RPL26L1: variants seen among roughly 807,000 people sequenced by gnomAD.
RPL26L1 encodes the protein ribosomal protein uL24-like.
Under a neutral mutation model 15.2 loss-of-function variants are expected in RPL26L1, and 8 were observed. The observed-to-expected ratio is 0.53, with a 90% confidence interval of 0.31 to 0.95. The LOEUF is 0.95. Among genes scored for constraint, RPL26L1 ranks in the 40% least tolerant of loss-of-function variants. The pLI, the probability that RPL26L1 is intolerant of heterozygous loss-of-function variation, is 0.05. For synonymous variants in RPL26L1, 51 were observed against 65.9 expected (o/e 0.77, Z 1.09); for missense variants, 146 against 190.9 (o/e 0.76, Z 1.39).
rs1341871684 is a variant in RPL26L1 at position 172,964,033 on chromosome 5, A to C, written c.168+3992A>C. ...GTCAATATTTGTTGAATGAATGAAA[A>C]AAATTTTTTGAGTAGGTAAGATGTA... On this transcript the variant is annotated intron_variant, in intron 2 of 3. Coordinates refer to ENST00000265100, the MANE Select transcript of RPL26L1 (RefSeq NM_016093.4). Among the ~76,000 whole-genome samples the C allele has an allele frequency of 3.3e-5, 5 of 152,200 alleles. 1 individual carries two copies. Among genetic ancestry groups the C allele is most frequent in the African/African-American group, 1.2e-4 (5 of 41,460 alleles).
upstream of RPL26L1, chr5:172,957,501 T>G (rs1561752672): frequency 1.0e-5 from 3 of 288,106 alleles, no homozygotes; most frequent in East Asian, 9.4e-5. Flanking sequence ...CCTGGCTCCA[T>G]GTAGGTACCA....
At chr5:172,964,827 C>T (rs1458719258) in intron 2 of RPL26L1, among the ~76,000 whole-genome samples, 1 of 152,192 alleles carries the variant, frequency 6.6e-6, no homozygotes, top group Non-Finnish European at 1.5e-5. Context: ...ATCGTGGCTC[C>T]ACACCTACAC....
intron 1 of RPL26L1, 151 bp from the exon 2 acceptor site, chr5:172,959,714 G>T: frequency 9.0e-7 from 1 of 1,106,436 alleles, no homozygotes; most frequent in Non-Finnish European, 1.3e-6. Context: ...AGTCAGACTA[G>T]TCGCATCTCT....
Position 172,959,936 on chromosome 5 carries a change from C to T in RPL26L1, c.63C>T (p.Ala21=), listed in dbSNP as rs773054554. 66 of 1,614,052 alleles carry T rather than the reference C, an allele frequency of 4.1e-5. No individual in the cohort carries two copies. Among genetic ancestry groups the T allele is most frequent in the African/African-American group, 6.7e-5 (5 of 74,918 alleles). Residue 21 remains alanine (A), a synonymous_variant, in exon 2 of 4, where the codon GCC becomes GCT. Transcript: ENST00000265100. ...AAAACCGCAAACGTCACTTCAATGC[C>T]CCCTCACACGTGCGCAGGAAGATCA... The part of the protein sequence containing the change: ...RSKNRKRHFN[A]PSHVRRKIMS...
upstream of RPL26L1, chr5:172,958,760 C>A (rs1445999580): frequency 3.6e-5 from 8 of 220,420 alleles, no homozygotes; most frequent in East Asian, 7.9e-4. Context: ...GGGAGCGACC[C>A]GGCGGGGCCA....
Position 172,959,923 on chromosome 5 carries a change from G to A in RPL26L1, c.50G>A (p.Arg17His), listed in dbSNP as rs942169009. The change falls in exon 2 of 4, where the codon CGT becomes CAT. Residue 17 changes from arginine (R) to histidine (H), a missense_variant. By Grantham distance (29) the Arg-to-His change is conservative. Coordinates refer to ENST00000265100, the MANE Select transcript of RPL26L1 (RefSeq NM_016093.4). ...TCGGACCGCAGTAAAAACCGCAAAC[G>A]TCACTTCAATGCCCCCTCACACGTG... ...VTSDRSKNRK[R>H]HFNAPSHVRR... is the part of the protein sequence containing the mutation. 1.1e-5 allele frequency: 17 copies of A among 1,614,034 alleles called. No individual in the cohort carries two copies. The highest frequency in any genetic ancestry group is 1.3e-5 in the Non-Finnish European group (15 of 1,180,026).
In RPL26L1 at chr5:172,966,656, T is replaced by A. The variant is rs1383063073; in HGVS notation, c.169-1803T>A. ...TCTTGATGGTATTAACAAGACTTCT[T>A]CCAGGTGTGTCCTGAGAGTCTCTGG... On this transcript the variant is annotated intron_variant, in intron 2 of 3. Coordinates refer to ENST00000265100, the MANE Select transcript of RPL26L1 (RefSeq NM_016093.4). Among the ~76,000 whole-genome samples the A allele has an allele frequency of 3.3e-5, 5 of 152,158 alleles. No individual in the cohort carries two copies. In the East Asian group the frequency reaches 7.7e-4, roughly 23 times the overall value.
intron 2 of RPL26L1, among the ~76,000 whole-genome samples, chr5:172,967,079 C>A (rs899219208): frequency 6.6e-6 from 1 of 151,824 alleles, no homozygotes; most frequent in Admixed American, 6.5e-5. Flanking sequence ...TGGTCTCGAT[C>A]TCTTGACCTC....
At chr5:172,968,392 G>A in intron 2 of RPL26L1, 67 bp from the exon 3 acceptor site, 4 of 1,580,996 alleles carry the variant, frequency 2.5e-6, no homozygotes, top group Non-Finnish European at 2.6e-6. Context: ...TGTTCCTGAT[G>A]GTTAGCTTCC....
At chr5:172,960,762 C>G (rs1755203270) in intron 2 of RPL26L1, among the ~76,000 whole-genome samples, 1 of 151,996 alleles carries the variant, frequency 6.6e-6, no homozygotes. Flanking sequence ...GGGCTAGATT[C>G]ATTCCTCAAA....
intron 3 of RPL26L1, among the ~76,000 whole-genome samples, chr5:172,968,947 A>G (rs922406829): frequency 5.9e-5 from 9 of 151,292 alleles, no homozygotes; most frequent in Admixed American, 3.3e-4. Context: ...AGCTGGGACT[A>G]CAGGCACACA....
At chr5:172,955,449 A>G (rs1754942015), upstream of RPL26L1, 2 of 156,626 alleles carry the variant, frequency 1.3e-5, no homozygotes, top group Non-Finnish European at 1.4e-5. Context: ...TTTTATTACT[A>G]TATGTTACAA....
At chr5:172,955,899 G>A (rs2305896), upstream of RPL26L1, 57,740 of 152,052 alleles carry the variant, frequency 0.38, 12,498 homozygotes, top group East Asian at 0.66. Context: ...CTGACTCTGG[G>A]ATTACGAAGA....
At chr5:172,957,137 G>T (rs1174093302), upstream of RPL26L1, 1 of 454,542 alleles carries the variant, frequency 2.2e-6, no homozygotes, top group Non-Finnish European at 4.4e-6. Flanking sequence ...ACTGCCTCGA[G>T]AAATAAAAAG....
intron 2 of RPL26L1, among the ~76,000 whole-genome samples, chr5:172,967,761 CATAT>C (rs1196246978): frequency 8.5e-6 from 1 of 117,178 alleles, no homozygotes; most frequent in Non-Finnish European, 1.8e-5. Flanking sequence ...TGTATATATA[CATAT>C]ATACACATAT....
At chr5:172,961,043 A>G (rs1481793793) in intron 2 of RPL26L1, among the ~76,000 whole-genome samples, 1 of 152,148 alleles carries the variant, frequency 6.6e-6, no homozygotes, top group African/African-American at 2.4e-5. Context: ...GATATTGCCA[A>G]ATGCTCCCTG....
At chr5:172,954,492 A>C (rs1018341486), upstream of RPL26L1, among the ~76,000 whole-genome samples, 6 of 58,562 alleles carry the variant, frequency 1.0e-4, no homozygotes, top group East Asian at 4.1e-4. Flanking sequence ...GCGGGGGGGA[A>C]GTGGGGGGAG....
chr5:172,956,314 C>A (rs924002049), upstream of RPL26L1, among the ~76,000 whole-genome samples: 4 of 152,148 alleles, frequency 2.6e-5, no homozygotes, highest in African/African-American at 9.7e-5. Flanking sequence ...TAACAGACAT[C>A]TTCCTAGATT....
At chr5:172,957,757 T>A (rs1160171538), upstream of RPL26L1, 7 of 166,038 alleles carry the variant, frequency 4.2e-5, no homozygotes, top group Non-Finnish European at 9.3e-5. Flanking sequence ...TGCTCCTGGG[T>A]TGCCGATAGG....
Sources: gnomAD v4.1 joint callset for allele counts (sites outside exome capture counted in the v4.1 genomes callset) on GRCh38, gnomAD v4.1.1 for gene constraint, MANE v1.5 for transcripts, NCBI Gene and HGNC (gene_info 2026-07-23, HGNC 2026-07-21) for gene names.